Variants in CLSTN2 observed in about 807,000 individuals in gnomAD.
CLSTN2 encodes the protein calsyntenin 2, also known as calsyntenin-2.
Under a neutral mutation model 101.2 loss-of-function variants are expected in CLSTN2, and 48 were observed. That is an observed-to-expected ratio of 0.47 (90% confidence interval 0.38 to 0.60). The LOEUF (loss-of-function observed/expected upper bound fraction) is 0.60, where lower values mean the gene tolerates loss of function less well. Among genes scored for constraint, CLSTN2 ranks in the 20% least tolerant of loss-of-function variants. CLSTN2 has a pLI of 0.00. For missense variants in CLSTN2, 1,160 were observed against 1,238.2 expected, an observed-to-expected ratio of 0.94 and a Z score of 0.95; for synonymous variants, 481 against 463.6, an observed-to-expected ratio of 1.04 and a Z score of -0.48.
chr3:140,105,630 G>A (rs2107792165), intron 1 of CLSTN2, among the ~76,000 whole-genome samples: 1 of 152,306 alleles, frequency 6.6e-6, no homozygotes, highest in East Asian at 1.9e-4. Flanking sequence ...CCATGATGCA[G>A]ACTTATTACT....
intron 9 of CLSTN2, among the ~76,000 whole-genome samples, chr3:140,533,634 C>A (rs973030307): frequency 6.7e-6 from 1 of 149,982 alleles, no homozygotes; most frequent in African/African-American, 2.5e-5. Context: ...TGGCATGAAC[C>A]CGGGAGGTGG....
chr3:140,213,731 G>A (rs779845555), intron 2 of CLSTN2, among the ~76,000 whole-genome samples: 67 of 152,270 alleles, frequency 4.4e-4, no homozygotes, highest in South Asian at 1.5e-3. Context: ...CTTGGTTAGC[G>A]AGGAGGTTAG....
rs898432418 is a variant in CLSTN2, at chr3:140,273,167, T to G, written c.232+97094T>G. 2.2e-4 allele frequency among the ~76,000 whole-genome samples: 34 copies of G among 152,056 alleles called. 1 individual carries two copies. Among genetic ancestry groups the G allele is most frequent in the Admixed American group, 6.6e-4 (10 of 15,262 alleles). On this transcript the variant is annotated intron_variant, in intron 2 of 16. Transcript: ENST00000458420. ...GTTGGAAGATATACTCATTTCCCTC[T>G]TCTTAAAAACATTCATTATCACAAC...
intron 2 of CLSTN2, among the ~76,000 whole-genome samples, chr3:140,307,396 CT>C (rs1377121721): frequency 6.6e-6 from 1 of 152,148 alleles, no homozygotes; most frequent in African/African-American, 2.4e-5. Flanking sequence ...CTTTTCTGAG[CT>C]CTTTGGCAGA....
intron 1 of CLSTN2, among the ~76,000 whole-genome samples, chr3:140,018,917 C>T (rs11915310): frequency 0.18 from 26,793 of 152,120 alleles, 2,558 homozygotes; most frequent in Admixed American, 0.29. Context: ...TGATTTGATC[C>T]GCAGCACATC....
At chr3:140,346,141 T>C (rs2087544352) in intron 2 of CLSTN2, among the ~76,000 whole-genome samples, 1 of 152,216 alleles carries the variant, frequency 6.6e-6, no homozygotes, top group African/African-American at 2.4e-5. Context: ...CTAATTCCCC[T>C]AGGCTTGCAA....
chr3:140,141,820 A>T (rs1043718923), intron 1 of CLSTN2, among the ~76,000 whole-genome samples: 1 of 152,196 alleles, frequency 6.6e-6, no homozygotes, highest in Non-Finnish European at 1.5e-5. Flanking sequence ...ATGAGAAGCC[A>T]GCGTTTATGC....
At chr3:139,995,781 C>G (rs1310890379) in intron 1 of CLSTN2, among the ~76,000 whole-genome samples, 1 of 152,194 alleles carries the variant, frequency 6.6e-6, no homozygotes, top group Non-Finnish European at 1.5e-5. Context: ...CCACAAGTCT[C>G]TAATCTGCAG....
At chr3:140,531,911 C>T (rs1287626431) in intron 8 of CLSTN2, among the ~76,000 whole-genome samples, 1 of 152,192 alleles carries the variant, frequency 6.6e-6, no homozygotes, top group Non-Finnish European at 1.5e-5. Flanking sequence ...ATCAGCCTAG[C>T]AATAATCAGA....
chr3:140,094,787 T>C (rs1488035025), intron 1 of CLSTN2, among the ~76,000 whole-genome samples: 2 of 152,190 alleles, frequency 1.3e-5, no homozygotes, highest in Non-Finnish European at 2.9e-5. Context: ...GTCAGGGGGC[T>C]CTCCTTGAAT....
At chr3:140,448,431 G>A (rs566667481) in intron 5 of CLSTN2, 88 bp from the exon 6 acceptor site, 184 of 1,139,218 alleles carry the variant, frequency 1.6e-4, no homozygotes, top group Admixed American at 1.3e-3. Flanking sequence ...CAAATAATTC[G>A]TTGGAACAAA....
chr3:140,095,900 T>C (rs1208417909), intron 1 of CLSTN2, among the ~76,000 whole-genome samples: 1 of 152,162 alleles, frequency 6.6e-6, no homozygotes, highest in Non-Finnish European at 1.5e-5. Context: ...ACCCACACTG[T>C]TGGTGAGTGG....
In CLSTN2 at chr3:140,546,759, G is replaced by A. The variant is rs565710271; in HGVS notation, c.1674+78G>A. ...GCCTGCACAGCGCCAGCACACGCCA[G>A]GAAATGGAGCTTCCTGGAACGTTAC... is the stretch of plus-strand genomic sequence containing the variant. On this transcript the variant is annotated intron_variant, in intron 10 of 16. Coordinates refer to ENST00000458420, the MANE Select transcript of CLSTN2 (RefSeq NM_022131.3). 9 of 1,316,680 alleles carry A rather than the reference G, an allele frequency of 6.8e-6. No homozygotes were observed. In the African/African-American group the frequency reaches 1.0e-4, roughly 15 times the overall value. The allele number at this position is 1,316,680 out of a possible 1,614,324, so 81.6% of individuals were successfully genotyped here.
At chr3:140,383,301 T>C (rs2088007319) in intron 2 of CLSTN2, among the ~76,000 whole-genome samples, 1 of 152,230 alleles carries the variant, frequency 6.6e-6, no homozygotes, top group Non-Finnish European at 1.5e-5. Flanking sequence ...CATATTTCTT[T>C]ACCTTCTTTG....
intron 1 of CLSTN2, among the ~76,000 whole-genome samples, chr3:140,049,998 A>G (rs2007959876): frequency 6.6e-6 from 1 of 152,208 alleles, no homozygotes; most frequent in Non-Finnish European, 1.5e-5. Flanking sequence ...AAAGGAAGGT[A>G]CCTGGATTAG....
intron 5 of CLSTN2, among the ~76,000 whole-genome samples, chr3:140,428,128 T>A (rs1183522117): frequency 6.6e-6 from 1 of 152,198 alleles, no homozygotes; most frequent in Non-Finnish European, 1.5e-5. Context: ...TTTAGAAGAT[T>A]GTTTGTAATC....
chr3:140,283,468 G>T (rs976859624), intron 2 of CLSTN2, among the ~76,000 whole-genome samples: 1 of 152,096 alleles, frequency 6.6e-6, no homozygotes, highest in Admixed American at 6.6e-5. Flanking sequence ...TGAGCCTGTG[G>T]AGTCAGTAAA....
chr3:140,255,116 G>A (rs2086594458), intron 2 of CLSTN2, among the ~76,000 whole-genome samples: 1 of 152,160 alleles, frequency 6.6e-6, no homozygotes, highest in Non-Finnish European at 1.5e-5. Context: ...TCTCACACCA[G>A]TCAGAATGGC....
chr3:140,301,001 C>T (rs2087053783), intron 2 of CLSTN2, among the ~76,000 whole-genome samples: 1 of 151,990 alleles, frequency 6.6e-6, no homozygotes, highest in South Asian at 2.1e-4. Context: ...AGGAGAAGAC[C>T]TATGTCCCAG....
Sources: allele counts gnomAD v4.1 joint callset (sites outside exome capture counted in the v4.1 genomes callset), GRCh38; gene constraint gnomAD v4.1.1; transcripts MANE v1.5; gene names NCBI Gene and HGNC (gene_info 2026-07-23, HGNC 2026-07-21).